The following TET3 variants were observed in gnomAD, a reference collection of about 807,000 sequenced individuals.
TET3 encodes tet methylcytosine dioxygenase 3, also known as methylcytosine dioxygenase TET3.
TET3 carries 19 observed loss-of-function variants against 141.4 expected under a neutral mutation model. That is an observed-to-expected ratio of 0.13 (90% confidence interval 0.09 to 0.20). The LOEUF is 0.20. TET3 is among the 10% of genes least tolerant of loss of function. TET3 has a pLI of 1.00. For missense variants in TET3, 1,874 were observed against 2,356.9 expected (o/e 0.80, Z 4.24); for synonymous variants, 1,043 against 980.9 (o/e 1.06, Z -1.18).
At position 74,105,735 on chromosome 2, in the gene TET3, T is replaced by C. The variant is rs2104269736; in HGVS notation, c.*3559T>C. ...GAAGTAGCAGAGCTTAACTGCTTTG[T>C]ACCACACAGCAGTAGATGTGCAAGG... On this transcript the variant is annotated 3_prime_UTR_variant, in exon 12 of 12. Transcript: ENST00000409262. 1 of 203,766 alleles carries C rather than the reference T, an allele frequency of 4.9e-6. No individual in the cohort carries two copies. The highest frequency in any genetic ancestry group is 2.3e-5 in the African/African-American group (1 of 43,652). The allele number at this position is 203,766 out of a possible 1,614,324, so 12.6% of individuals were successfully genotyped here.
chr2:74,012,332 T>C (rs139734188), intron 3 of TET3, among the ~76,000 whole-genome samples: 1,911 of 152,366 alleles, frequency 0.013, 17 homozygotes, highest in Non-Finnish European at 0.021. Flanking sequence ...ATTTCATATC[T>C]GTTTAGTGTC....
At chr2:74,000,700 T>C (rs576449634) in intron 2 of TET3, among the ~76,000 whole-genome samples, 2 of 152,060 alleles carry the variant, frequency 1.3e-5, no homozygotes, top group Non-Finnish European at 2.9e-5. Context: ...ACTTAGAGAA[T>C]TGGAAAGAGA....
At chr2:74,063,671 G>A (rs1373391444) in intron 4 of TET3, among the ~76,000 whole-genome samples, 2 of 152,146 alleles carry the variant, frequency 1.3e-5, no homozygotes, top group African/African-American at 4.8e-5. Context: ...GAGTTGTTCA[G>A]TGGGTATAAA....
intron 3 of TET3, among the ~76,000 whole-genome samples, chr2:74,035,560 CTA>C (rs1687005142): frequency 6.6e-6 from 1 of 151,124 alleles, no homozygotes; most frequent in African/African-American, 2.4e-5. Context: ...AACCCTGTCT[CTA>C]CTAAAAATAC....
intron 10 of TET3, among the ~76,000 whole-genome samples, chr2:74,094,773 CT>C (rs545237940): frequency 6.6e-6 from 1 of 152,118 alleles, no homozygotes; most frequent in Non-Finnish European, 1.5e-5. Flanking sequence ...CACTCCAAGG[CT>C]TTTTGCTTCA....
chr2:74,074,935 A>G (rs2103950302), intron 5 of TET3, among the ~76,000 whole-genome samples: 1 of 152,106 alleles, frequency 6.6e-6, no homozygotes, highest in African/African-American at 2.4e-5. Context: ...ACAGTGGCAC[A>G]ATCTCAGCTC....
chr2:74,045,200 C>T (rs754384851), intron 3 of TET3, among the ~76,000 whole-genome samples: 6 of 152,204 alleles, frequency 3.9e-5, no homozygotes, highest in African/African-American at 7.2e-5. Flanking sequence ...TGTTTTGTCT[C>T]AGTATTGGTG....
intron 3 of TET3, among the ~76,000 whole-genome samples, chr2:74,029,213 C>T (rs1189735788): frequency 1.3e-5 from 2 of 152,230 alleles, no homozygotes; most frequent in Non-Finnish European, 2.9e-5. Context: ...CCTACCCCTA[C>T]CTGTTGTTAT....
chr2:74,047,411 C>T lies in TET3; in HGVS notation c.1494C>T (p.Ser498=). 1.2e-6 allele frequency: 2 copies of T among 1,612,636 alleles called. No individual in the cohort carries two copies. The highest frequency in any genetic ancestry group is 1.7e-6 in the Non-Finnish European group (2 of 1,179,600). The stretch of plus-strand genomic sequence containing the variant: ...TCAAGGTGGAGGCACCCTCTTCCTC[C>T]CCGGCCCCGGCCCCATCCCCTGTAC... ...PKVKVEAPSS[S]PAPAPSPVLQ... Residue 498 remains serine (S), a synonymous_variant, in exon 4 of 12, where the codon TCC becomes TCT. Coordinates refer to ENST00000409262, the MANE Select transcript of TET3 (RefSeq NM_001287491.2).
intron 3 of TET3, among the ~76,000 whole-genome samples, chr2:74,045,877 C>T: frequency 6.6e-6 from 1 of 152,208 alleles, no homozygotes; most frequent in Non-Finnish European, 1.5e-5. Context: ...TACACACAGG[C>T]TTGGTTGGAT....
At chr2:73,998,093 G>A (rs1309710260) in intron 2 of TET3, among the ~76,000 whole-genome samples, 1 of 152,180 alleles carries the variant, frequency 6.6e-6, no homozygotes, top group African/African-American at 2.4e-5. Context: ...GAAGGATGAG[G>A]ACAGATTGCT....
chr2:74,100,593 C>G lies in TET3; in HGVS notation c.3805C>G (p.Leu1269Val). The stretch of plus-strand genomic sequence containing the variant: ...CCACTCCTACTATGCACAGCCCAGC[C>G]TGACCTCCGTCAATGGCTTCCACTC... ...SYHSYYAQPSLTSVNGFHSKY... is the reference protein window; with the variant it reads ...SYHSYYAQPSVTSVNGFHSKY... The change falls in exon 12 of 12, where the codon CTG becomes GTG. Residue 1269 changes from leucine (L) to valine (V), a missense_variant. Transcript: ENST00000409262. 1 of 1,613,922 alleles carries G rather than the reference C, an allele frequency of 6.2e-7. No individual in the cohort carries two copies. Among genetic ancestry groups the G allele is most frequent in the Non-Finnish European group, 8.5e-7 (1 of 1,179,860 alleles).
At chr2:73,991,827 AAG>A (rs1491232509) in intron 2 of TET3, among the ~76,000 whole-genome samples, 3 of 150,956 alleles carry the variant, frequency 2.0e-5, no homozygotes, top group South Asian at 2.1e-4. Flanking sequence ...AAAAAAAAAA[AAG>A]AAGGAAACGC....
At chr2:74,091,533 C>T (rs1302218523) in intron 8 of TET3, among the ~76,000 whole-genome samples, 3 of 152,254 alleles carry the variant, frequency 2.0e-5, no homozygotes, top group Non-Finnish European at 4.4e-5. Flanking sequence ...CTAGAGCTCA[C>T]AAGCCTCACC....
the TET3 span, among the ~76,000 whole-genome samples, chr2:74,114,247 G>A: frequency 2.0e-5 from 3 of 152,054 alleles, no homozygotes; most frequent in South Asian, 2.1e-4. Flanking sequence ...ATAAGTGGGA[G>A]CTAAGCTATG....
At chr2:74,034,851 T>C (rs1401787718) in intron 3 of TET3, among the ~76,000 whole-genome samples, 1 of 152,062 alleles carries the variant, frequency 6.6e-6, no homozygotes, top group Non-Finnish European at 1.5e-5. Flanking sequence ...CACAAACCTT[T>C]TCAAAGTATT....
chr2:74,102,193 G>A lies in TET3; in HGVS notation c.*17G>A, dbSNP rs762162022. On this transcript the variant is annotated 3_prime_UTR_variant, in exon 12 of 12. Coordinates refer to ENST00000409262, the MANE Select transcript of TET3 (RefSeq NM_001287491.2). ...TGGATCTAGGTGCCAGGGAGCCAGC[G>A]TACCTCAGCGTCGGGCCTGGCCCGA... 7.4e-5 allele frequency: 106 copies of A among 1,427,440 alleles called. 1 individual carries two copies. The highest frequency in any genetic ancestry group is 1.9e-4 in the Middle Eastern group (1 of 5,148). 88.4% of individuals were successfully genotyped at this position (1,427,440 alleles called of 1,614,324 possible). A position where few individuals can be genotyped will look rare whatever the true frequency, so the allele number is the denominator to read the frequency against.
intron 10 of TET3, among the ~76,000 whole-genome samples, chr2:74,095,928 T>C (rs1690798591): frequency 6.6e-6 from 1 of 152,264 alleles, no homozygotes; most frequent in Admixed American, 6.5e-5. Context: ...TGTCAGTCTC[T>C]TTCATCTTTG....
intron 3 of TET3, among the ~76,000 whole-genome samples, chr2:74,027,568 T>C (rs1233096937): frequency 1.3e-5 from 2 of 152,204 alleles, no homozygotes; most frequent in Non-Finnish European, 2.9e-5. Context: ...CTTATCTTTC[T>C]GTCTCTGTGG....
Sources: gnomAD v4.1 joint callset for allele counts (sites outside exome capture counted in the v4.1 genomes callset) on GRCh38, gnomAD v4.1.1 for gene constraint, MANE v1.5 for transcripts, NCBI Gene and HGNC (gene_info 2026-07-23, HGNC 2026-07-21) for gene names.